LRGUK: variants seen among roughly 807,000 people sequenced by gnomAD.
LRGUK encodes leucine rich repeats and guanylate kinase domain containing, also known as leucine-rich repeat and guanylate kinase domain-containing protein.
LRGUK carries 65 observed loss-of-function variants against 76.0 expected under a neutral mutation model. The observed-to-expected ratio is 0.85, with a 90% confidence interval of 0.70 to 1.05. The LOEUF is 1.05. Among genes scored for constraint, LRGUK ranks in the 50% least tolerant of loss-of-function variants. The pLI is 0.00. For missense variants in LRGUK, 758 were observed against 732.8 expected, an observed-to-expected ratio of 1.03 and a Z score of -0.40; for synonymous variants, 268 against 265.6, an observed-to-expected ratio of 1.01 and a Z score of -0.09.
intron 12 of LRGUK, among the ~76,000 whole-genome samples, chr7:134,196,580 G>T (rs566442155): frequency 1.3e-5 from 2 of 152,124 alleles, no homozygotes; most frequent in Non-Finnish European, 1.5e-5. Flanking sequence ...GAAATGGAAG[G>T]CTTTTCTGGG....
chr7:134,127,479 C>A lies in LRGUK; in HGVS notation c.112C>A (p.Arg38Ser), dbSNP rs201945998. 8 of 1,614,020 alleles carry A rather than the reference C, an allele frequency of 5.0e-6. No individual in the cohort carries two copies. In the South Asian group the frequency reaches 5.5e-5, roughly 11 times the overall value. ...GTTACAGTTTCGCGCAGAAAAAGAG[C>A]GTCAGCCTTGCTGGTCTTTTCCCAT... is the stretch of plus-strand genomic sequence containing the variant. The change falls in exon 1 of 16, where the codon CGT (arginine) becomes AGT (serine). Residue 38 changes from arginine to serine, a missense_variant. Transcript: ENST00000645682.
intron 3 of LRGUK, among the ~76,000 whole-genome samples, chr7:134,142,861 A>G (rs1797823833): frequency 6.6e-6 from 1 of 152,194 alleles, no homozygotes; most frequent in Admixed American, 6.5e-5. Flanking sequence ...GGATTAAATT[A>G]TTGACTCCGA....
chr7:134,178,911 A>G (rs1695558460), intron 10 of LRGUK, among the ~76,000 whole-genome samples: 1 of 149,900 alleles, frequency 6.7e-6, no homozygotes, highest in Admixed American at 6.6e-5. Context: ...CGTGTGCCAC[A>G]CAACAGTGAA....
At position 134,260,412 on chromosome 7, in the gene LRGUK, G is replaced by C. The variant is rs530723697; in HGVS notation, c.2347+2007G>C. Among the ~76,000 whole-genome samples, 159 of 152,242 alleles carry C rather than the reference G, an allele frequency of 1.0e-3. 3 individuals are homozygous for C. The South Asian group carries it at 0.027, about 26-fold the overall frequency. On this transcript the variant is annotated intron_variant, in intron 19 of 19. Transcript: ENST00000285928. ...TTGAATGGGCCACACTTTTCTGTTT[G>C]TTTGTATGCCTTTGCTCTTTTGTTG...
chr7:134,206,791 A>C (rs1184952466), intron 15 of LRGUK, among the ~76,000 whole-genome samples: 1 of 152,180 alleles, frequency 6.6e-6, no homozygotes, highest in Non-Finnish European at 1.5e-5. Flanking sequence ...CAATGCTTCC[A>C]GCAAAGCTTT....
chr7:134,217,049 T>C (rs919695561), intron 15 of LRGUK, among the ~76,000 whole-genome samples: 1 of 152,178 alleles, frequency 6.6e-6, no homozygotes, highest in African/African-American at 2.4e-5. Context: ...ATCTGCTATA[T>C]TAATACAGAT....
intron 7 of LRGUK, among the ~76,000 whole-genome samples, chr7:134,169,372 G>A (rs562417268): frequency 6.6e-6 from 1 of 152,288 alleles, no homozygotes; most frequent in South Asian, 2.1e-4. Flanking sequence ...CTGGTCTCCA[G>A]AACTGTGGAA....
At chr7:134,164,760 A>G (rs1294369170) in intron 7 of LRGUK, among the ~76,000 whole-genome samples, 2 of 152,138 alleles carry the variant, frequency 1.3e-5, no homozygotes, top group Non-Finnish European at 2.9e-5. Flanking sequence ...CCTTTTTTCC[A>G]ACAGACTTCC....
intron 11 of LRGUK, among the ~76,000 whole-genome samples, chr7:134,190,789 T>A (rs1800174996): frequency 8.7e-6 from 1 of 114,966 alleles, no homozygotes; most frequent in African/African-American, 3.0e-5. Context: ...GCATTGGGAA[T>A]GCAGTGGCGA....
chr7:134,269,164 C>T (rs1412681805), downstream of LRGUK, among the ~76,000 whole-genome samples: 1 of 152,050 alleles, frequency 6.6e-6, no homozygotes, highest in Non-Finnish European at 1.5e-5. Flanking sequence ...GGAGGGATTC[C>T]TTTCTTACTC....
chr7:134,210,604 G>A (rs986873721), downstream of LRGUK, among the ~76,000 whole-genome samples: 2 of 152,306 alleles, frequency 1.3e-5, no homozygotes, highest in South Asian at 4.1e-4. Context: ...CTGCGGAGTC[G>A]CTACAGGATA....
At chr7:134,258,631 G>A (rs774166903) in intron 19 of LRGUK, among the ~76,000 whole-genome samples, 6 of 149,206 alleles carry the variant, frequency 4.0e-5, no homozygotes, top group Admixed American at 6.7e-5. Flanking sequence ...CCCAGGAGGC[G>A]GAGGTTGCAG....
chr7:134,213,846 A>G (rs1801360485), downstream of LRGUK, among the ~76,000 whole-genome samples: 1 of 152,228 alleles, frequency 6.6e-6, no homozygotes, highest in Non-Finnish European at 1.5e-5. Flanking sequence ...CACATAGAAT[A>G]ACAATGTTTA....
At chr7:134,143,074 T>A in exon 4 of LRGUK, 1 of 1,585,266 alleles carries the variant, frequency 6.3e-7, no homozygotes, top group African/African-American at 1.3e-5. Flanking sequence ...TTATCTTGTG[T>A]GAGTTGTATG....
downstream of LRGUK, among the ~76,000 whole-genome samples, chr7:134,266,681 T>C (rs1437212918): frequency 6.6e-6 from 1 of 152,208 alleles, no homozygotes; most frequent in Non-Finnish European, 1.5e-5. Flanking sequence ...ATCTAATGTT[T>C]GTGTCATTGG....
chr7:134,229,135 G>A (rs2117170209), intron 16 of LRGUK, among the ~76,000 whole-genome samples: 1 of 152,212 alleles, frequency 6.6e-6, no homozygotes, highest in Admixed American at 6.5e-5. Flanking sequence ...CAGTACTTTG[G>A]GAGGCTGAGA....
chr7:134,246,050 A>C (rs1260503326), intron 16 of LRGUK, among the ~76,000 whole-genome samples: 1 of 152,228 alleles, frequency 6.6e-6, no homozygotes, highest in Non-Finnish European at 1.5e-5. Context: ...TTGGTAATCA[A>C]GTATCCACCA....
chr7:134,256,459 C>CAAAA (rs34522132), intron 18 of LRGUK, among the ~76,000 whole-genome samples: 72 of 57,484 alleles, frequency 1.3e-3, no homozygotes, highest in African/African-American at 3.6e-3. Flanking sequence ...AACTCTGTCT[C>CAAAA]AAAAAAAAAA....
intron 3 of LRGUK, among the ~76,000 whole-genome samples, chr7:134,142,296 C>A (rs972592421): frequency 6.6e-6 from 1 of 152,208 alleles, no homozygotes; most frequent in Non-Finnish European, 1.5e-5. Flanking sequence ...TGTGACCCTT[C>A]CTGATTCCTT....
Sources: gnomAD v4.1 joint callset for allele counts (sites outside exome capture counted in the v4.1 genomes callset) on GRCh38, gnomAD v4.1.1 for gene constraint, MANE v1.5 for transcripts, NCBI Gene and HGNC (gene_info 2026-07-23, HGNC 2026-07-21) for gene names.